The following PBX1 variants were observed in gnomAD, a reference collection of about 807,000 sequenced individuals.
PBX1 encodes the protein pre-B-cell leukemia transcription factor 1.
PBX1 carries 6 observed loss-of-function variants against 53.4 expected under a neutral mutation model. The observed-to-expected ratio is 0.11, with a 90% CI of 0.06 to 0.22. PBX1 has a LOEUF of 0.22. Ranked by LOEUF, PBX1 falls within the 10% of genes least tolerant of loss-of-function variation. The pLI is 1.00. For missense variants in PBX1, 251 were observed against 551.4 expected (o/e 0.46, Z 5.46); for synonymous variants, 204 against 212.3 (o/e 0.96, Z 0.34).
intron 2 of PBX1, among the ~76,000 whole-genome samples, chr1:164,767,890 G>GT (rs1440536666): frequency 6.6e-6 from 1 of 151,990 alleles, no homozygotes; most frequent in Non-Finnish European, 1.5e-5. Flanking sequence ...AAACCACAGG[G>GT]TATTTAAATA....
At chr1:164,577,137 A>G (rs1654307807) in intron 2 of PBX1, 1 of 152,186 alleles carries the variant, frequency 6.6e-6, no homozygotes, top group African/African-American at 2.4e-5. Flanking sequence ...AAATAATATA[A>G]TCTGGAGTTA....
At chr1:164,815,114 A>G (rs919379545) in intron 6 of PBX1, 3 of 152,208 alleles carry the variant, frequency 2.0e-5, no homozygotes, top group Admixed American at 6.5e-5. Context: ...GGGGTCTATA[A>G]TTCTTCTGTA....
chr1:164,735,274 A>T (rs1665204254), intron 2 of PBX1, among the ~76,000 whole-genome samples: 1 of 152,234 alleles, frequency 6.6e-6, no homozygotes, highest in Admixed American at 6.5e-5. Flanking sequence ...AGATATGCAT[A>T]ATTTATATAT....
chr1:164,784,166 C>T (rs866937706), intron 2 of PBX1, among the ~76,000 whole-genome samples: 1 of 152,314 alleles, frequency 6.6e-6, no homozygotes, highest in Middle Eastern at 3.4e-3. Flanking sequence ...GATGGCTTTC[C>T]CCCTTTCCTC....
At chr1:164,883,268 C>T (rs1672704364) in intron 2 of PBX1, among the ~76,000 whole-genome samples, 1 of 152,122 alleles carries the variant, frequency 6.6e-6, no homozygotes, top group East Asian at 1.9e-4. Flanking sequence ...GTTATTAGCG[C>T]CTCTCACCCA....
chr1:164,603,355 G>C (rs1656308735), intron 2 of PBX1, among the ~76,000 whole-genome samples: 1 of 152,120 alleles, frequency 6.6e-6, no homozygotes, highest in South Asian at 2.1e-4. Context: ...CTTTGACTCT[G>C]TCCCATGTAT....
At chr1:164,874,030 G>C (rs1672444120) in intron 2 of PBX1, among the ~76,000 whole-genome samples, 1 of 151,090 alleles carries the variant, frequency 6.6e-6, no homozygotes, top group African/African-American at 2.4e-5. Flanking sequence ...AGAAAAAGAG[G>C]CATGAAAGGA....
chr1:164,677,401 G>C (rs1661498074), intron 2 of PBX1, among the ~76,000 whole-genome samples: 1 of 151,968 alleles, frequency 6.6e-6, no homozygotes, highest in Non-Finnish European at 1.5e-5. Flanking sequence ...CTTACTGCTT[G>C]ACATTTTACA....
chr1:164,631,965 C>A (rs1033378441), intron 2 of PBX1, among the ~76,000 whole-genome samples: 1 of 152,206 alleles, frequency 6.6e-6, no homozygotes, highest in Non-Finnish European at 1.5e-5. Context: ...CACCCCTCAC[C>A]TTCATAGGCC....
At chr1:164,738,185 G>T (rs183169333) in intron 2 of PBX1, among the ~76,000 whole-genome samples, 119 of 152,220 alleles carry the variant, frequency 7.8e-4, no homozygotes, top group African/African-American at 2.6e-3. Flanking sequence ...ACAGTTTGGG[G>T]TTCTTAAGAA....
chr1:164,603,915 C>T (rs909046279), intron 2 of PBX1, among the ~76,000 whole-genome samples: 3 of 118,156 alleles, frequency 2.5e-5, no homozygotes, highest in Admixed American at 1.8e-4. Flanking sequence ...ACACTCTGTA[C>T]ATTATGTCAT....
At chr1:164,808,127 T>C (rs1669442569) in intron 5 of PBX1, among the ~76,000 whole-genome samples, 1 of 152,188 alleles carries the variant, frequency 6.6e-6, no homozygotes. Flanking sequence ...AACTTAAATG[T>C]CTCCTCTTGA....
chr1:164,704,409 A>G (rs143331586), intron 2 of PBX1, among the ~76,000 whole-genome samples: 2 of 152,354 alleles, frequency 1.3e-5, no homozygotes, highest in African/African-American at 4.8e-5. Context: ...TTTATTGAAC[A>G]AGACTTTTAC....
chr1:164,876,754 TAGA>T (rs1391793418), intron 2 of PBX1, among the ~76,000 whole-genome samples: 3 of 152,110 alleles, frequency 2.0e-5, no homozygotes, highest in East Asian at 3.9e-4. Context: ...GAGTGAGATC[TAGA>T]AGAAGGGGAG....
At chr1:164,612,068 G>A (rs1656971680) in intron 2 of PBX1, among the ~76,000 whole-genome samples, 1 of 152,164 alleles carries the variant, frequency 6.6e-6, no homozygotes, top group Non-Finnish European at 1.5e-5. Flanking sequence ...AAGAATGCTA[G>A]TTGATTTTTG....
chr1:164,691,667 T>C (rs1019540258), intron 2 of PBX1, among the ~76,000 whole-genome samples: 1 of 152,142 alleles, frequency 6.6e-6, no homozygotes, highest in East Asian at 1.9e-4. Flanking sequence ...CAAGCGCTGG[T>C]AGAAAGGCTG....
At chr1:164,580,152 A>G (rs1473848853) in intron 2 of PBX1, among the ~76,000 whole-genome samples, 9 of 152,246 alleles carry the variant, frequency 5.9e-5, no homozygotes, top group Non-Finnish European at 1.5e-5. Flanking sequence ...TCTCAGGTAC[A>G]GAAATTTAAT....
chr1:164,664,964 C>G (rs1213889040), intron 2 of PBX1, among the ~76,000 whole-genome samples: 1 of 152,138 alleles, frequency 6.6e-6, no homozygotes, highest in African/African-American at 2.4e-5. Context: ...CAAACCATAT[C>G]ATAGTACAAG....
chr1:164,730,389 T>C (rs1571301861), intron 2 of PBX1, among the ~76,000 whole-genome samples: 1 of 152,184 alleles, frequency 6.6e-6, no homozygotes, highest in Non-Finnish European at 1.5e-5. Flanking sequence ...ACCTCAGTAG[T>C]AGGAGATATG....
Sources: gnomAD v4.1 joint callset for allele counts (sites outside exome capture counted in the v4.1 genomes callset) on GRCh38, gnomAD v4.1.1 for gene constraint, MANE v1.5 for transcripts, NCBI Gene and HGNC (gene_info 2026-07-23, HGNC 2026-07-21) for gene names.